The following FOXN3 variants were observed in gnomAD, a reference collection of about 807,000 sequenced individuals.
FOXN3 encodes the protein forkhead box N3.
Under a neutral mutation model 38.4 loss-of-function variants are expected in FOXN3, and 7 were observed. The observed-to-expected ratio is 0.18, with a 90% CI of 0.10 to 0.34. FOXN3 has a LOEUF of 0.34. Among genes scored for constraint, FOXN3 ranks in the 10% least tolerant of loss-of-function variants. The pLI, the probability that FOXN3 is intolerant of heterozygous loss-of-function variation, is 1.00. For synonymous variants in FOXN3, 230 were observed against 242.2 expected (o/e 0.95, Z 0.47); for missense variants, 456 against 613.4 (o/e 0.74, Z 2.71).
chr14:89,576,807 T>TA (rs1023323255), intron 1 of FOXN3: 8 of 152,072 alleles, frequency 5.3e-5, no homozygotes, highest in African/African-American at 1.9e-4. Context: ...ACTGGCCACT[T>TA]AGGAAGAGTA....
At chr14:89,178,351 T>C (rs570555329) in intron 5 of FOXN3, among the ~76,000 whole-genome samples, 1 of 152,170 alleles carries the variant, frequency 6.6e-6, no homozygotes, top group Admixed American at 6.5e-5. Flanking sequence ...GATCTCCCTA[T>C]GTTGCTCAGG....
At chr14:89,225,418 C>T (rs1055896274) in intron 4 of FOXN3, among the ~76,000 whole-genome samples, 1 of 151,858 alleles carries the variant, frequency 6.6e-6, no homozygotes, top group Non-Finnish European at 1.5e-5. Context: ...TCCTGGCTGA[C>T]ATGGTGAAAC....
At chr14:89,300,180 C>CTTTT (rs35774627) in intron 3 of FOXN3, among the ~76,000 whole-genome samples, 5 of 115,766 alleles carry the variant, frequency 4.3e-5, no homozygotes, top group South Asian at 2.8e-4. Context: ...AAGAAATGTA[C>CTTTT]TTTTTTTTTT....
rs377458949 is a variant in FOXN3, at chr14:89,446,875, T to C, written c.-14-34385A>G. The stretch of plus-strand genomic sequence containing the variant: ...AAATGAACAGCCAGATTCATTAATA[T>C]ATCTTGTACAGATCTCTATTTCCTT... On this transcript the variant is annotated intron_variant, in intron 1 of 6. Coordinates refer to the FOXN3 transcript ENST00000345097. Among the ~76,000 whole-genome samples the C allele has an allele frequency of 3.9e-5, 6 of 152,362 alleles. No individual in the cohort carries two copies. In the East Asian group the frequency reaches 9.7e-4, roughly 25 times the overall value.
intron 1 of FOXN3, among the ~76,000 whole-genome samples, chr14:89,483,685 G>T (rs1157388276): frequency 6.6e-6 from 1 of 152,208 alleles, no homozygotes; most frequent in African/African-American, 2.4e-5. Context: ...TGGGATTACA[G>T]GCGTGAGCCA....
At chr14:89,252,446 G>A (rs1885486658) in intron 4 of FOXN3, among the ~76,000 whole-genome samples, 1 of 152,154 alleles carries the variant, frequency 6.6e-6, no homozygotes, top group African/African-American at 2.4e-5. Context: ...CCTGAGGTCA[G>A]GAGTTCGAGA....
intron 1 of FOXN3, among the ~76,000 whole-genome samples, chr14:89,459,748 C>T (rs375254547): frequency 2.0e-5 from 3 of 152,268 alleles, no homozygotes; most frequent in East Asian, 1.9e-4. Context: ...ATTTAGAAAG[C>T]AGGCCCTCAG....
intron 3 of FOXN3, among the ~76,000 whole-genome samples, chr14:89,313,234 G>C (rs950354337): frequency 2.0e-5 from 3 of 152,270 alleles, no homozygotes; most frequent in African/African-American, 7.2e-5. Flanking sequence ...AGGGGACATT[G>C]CACACATAGT....
In FOXN3 at chr14:89,578,640, C is replaced by T. The variant is rs115173458; in HGVS notation, c.-15+40388G>A. Among the ~76,000 whole-genome samples the T allele has an allele frequency of 3.1e-3, 470 of 152,230 alleles. 3 individuals carry two copies. The highest frequency in any genetic ancestry group is 0.01 in the African/African-American group (432 of 41,544). ...CCACCTTCCAAAATTCTAAAATAAT[C>T]CTCCATTCCTCCCTTTCTCTCACCC... is the stretch of plus-strand genomic sequence containing the variant. On this transcript the variant is annotated intron_variant, in intron 1 of 6. Coordinates refer to the FOXN3 transcript ENST00000345097.
chr14:89,197,987 G>C (rs1346684755), intron 4 of FOXN3, among the ~76,000 whole-genome samples: 3 of 152,098 alleles, frequency 2.0e-5, no homozygotes, highest in Admixed American at 2.0e-4. Context: ...CACAACTGGG[G>C]CATTAATTAA....
chr14:89,275,825 C>A (rs1886283190), intron 4 of FOXN3, among the ~76,000 whole-genome samples: 1 of 152,348 alleles, frequency 6.6e-6, no homozygotes, highest in Middle Eastern at 3.4e-3. Flanking sequence ...CATGGAGGAA[C>A]AGCATGCATC....
At chr14:89,393,876 A>G (rs1891027352) in intron 2 of FOXN3, among the ~76,000 whole-genome samples, 1 of 152,206 alleles carries the variant, frequency 6.6e-6, no homozygotes, top group African/African-American at 2.4e-5. Flanking sequence ...ACAAGGGAAG[A>G]TCACAAGTAC....
intron 1 of FOXN3, among the ~76,000 whole-genome samples, chr14:89,596,357 G>A (rs971978617): frequency 5.9e-5 from 9 of 152,052 alleles, no homozygotes; most frequent in Non-Finnish European, 1.0e-4. Flanking sequence ...GGCTGGTCTC[G>A]AACTCCTGAC....
chr14:89,531,157 A>AT (rs1404174916), intron 1 of FOXN3, among the ~76,000 whole-genome samples: 3 of 149,972 alleles, frequency 2.0e-5, no homozygotes, highest in Non-Finnish European at 4.4e-5. Context: ...ATATACACAT[A>AT]TATATATGTG....
intron 4 of FOXN3, among the ~76,000 whole-genome samples, chr14:89,189,001 G>A (rs1366029551): frequency 2.0e-5 from 3 of 152,128 alleles, no homozygotes; most frequent in African/African-American, 4.8e-5. Context: ...GCCCAACATT[G>A]CAATGGCTGG....
chr14:89,569,674 A>C (rs1895449941), intron 1 of FOXN3, among the ~76,000 whole-genome samples: 1 of 152,240 alleles, frequency 6.6e-6, no homozygotes, highest in Non-Finnish European at 1.5e-5. Context: ...GGAGAATAAT[A>C]GTTAAAATGA....
chr14:89,494,333 C>G (rs1185955990), intron 1 of FOXN3: 1 of 152,168 alleles, frequency 6.6e-6, no homozygotes. Flanking sequence ...TCTTCTTTCT[C>G]CTTTAGTCTC....
At chr14:89,496,011 G>A (rs974084875) in intron 1 of FOXN3, among the ~76,000 whole-genome samples, 2 of 152,108 alleles carry the variant, frequency 1.3e-5, no homozygotes, top group Non-Finnish European at 2.9e-5. Flanking sequence ...TCAGGAGCTC[G>A]AGAACAGCTT....
At chr14:89,262,736 C>T (rs1885845437) in intron 4 of FOXN3, among the ~76,000 whole-genome samples, 1 of 139,168 alleles carries the variant, frequency 7.2e-6, no homozygotes, top group Non-Finnish European at 1.6e-5. Flanking sequence ...TAAAATGATG[C>T]TAATTTTTTT....
Sources: allele counts gnomAD v4.1 joint callset (sites outside exome capture counted in the v4.1 genomes callset), GRCh38; gene constraint gnomAD v4.1.1; transcripts MANE v1.5; gene names NCBI Gene and HGNC (gene_info 2026-07-23, HGNC 2026-07-21).